Variants in BTN2A1 observed in about 807,000 individuals in gnomAD.
BTN2A1 encodes butyrophilin, subfamily 2, member A1.
Under a neutral mutation model 34.5 loss-of-function variants are expected in BTN2A1, and 41 were observed. The ratio of observed to expected loss-of-function variants is 1.19; its 90% CI spans 0.93 to 1.54. The LOEUF (loss-of-function observed/expected upper bound fraction) is 1.54, where lower values mean the gene tolerates loss of function less well. Ranked by LOEUF, BTN2A1 falls within the 40% of genes most tolerant of loss-of-function variation. The pLI is 0.00. For missense variants in BTN2A1, 642 were observed against 662.0 expected, an observed-to-expected ratio of 0.97 and a Z score of 0.33; for synonymous variants, 267 against 258.6, an observed-to-expected ratio of 1.03 and a Z score of -0.31.
Position 26,469,194 on chromosome 6 carries a change from T to C in BTN2A1, c.*645T>C. ...AATGAAGAACATGGATGCACGTGGA[T>C]GTAGTTTGGCTCAGGTGTCCCTGCA... On this transcript the variant is annotated 3_prime_UTR_variant, in exon 8 of 8. Transcript: ENST00000312541. 9.6e-7 allele frequency: 1 copy of C among 1,044,758 alleles called. No individual in the cohort carries two copies. The highest frequency in any genetic ancestry group is 3.4e-5 in the South Asian group (1 of 29,044). 64.7% of individuals were successfully genotyped at this position (1,044,758 alleles called of 1,614,324 possible).
Position 26,468,779 on chromosome 6 carries a change from A to T in BTN2A1, c.*230A>T. ...TGTAACTATGGGATGGGATCCAGGC[A>T]TAGGGAACTAGTTGTTACACAGCTC... On this transcript the variant is annotated 3_prime_UTR_variant, in exon 8 of 8. Coordinates refer to ENST00000312541, the MANE Select transcript of BTN2A1 (RefSeq NM_007049.5). 6.2e-7 allele frequency: 1 copy of T among 1,600,504 alleles called. No individual in the cohort carries two copies. Among genetic ancestry groups the T allele is most frequent in the South Asian group, 1.1e-5 (1 of 90,116 alleles).
At chr6:26,472,591 G>T (rs553646414), downstream of BTN2A1, among the ~76,000 whole-genome samples, 4 of 152,184 alleles carry the variant, frequency 2.6e-5, no homozygotes, top group South Asian at 4.1e-4. Context: ...AGTGATACAG[G>T]ATTTTTATTT....
chr6:26,462,758 C>G (rs1329070782), intron 3 of BTN2A1: 3 of 1,256,160 alleles, frequency 2.4e-6, no homozygotes, highest in Admixed American at 4.6e-5. Context: ...AGGATTCTGC[C>G]CGCCTGGCAG....
chr6:26,458,981 A>G (rs924891780), intron 2 of BTN2A1, among the ~76,000 whole-genome samples: 1 of 152,234 alleles, frequency 6.6e-6, no homozygotes, highest in Admixed American at 6.5e-5. Context: ...ATAAATTTGT[A>G]TACTATATTT....
At position 26,467,897 on chromosome 6, in the gene BTN2A1, A is replaced by G. The variant is rs753143657; in HGVS notation, c.983-51A>G. On this transcript the variant is annotated intron_variant, in intron 7 of 7. Transcript: ENST00000312541. ...CTCTCTGGGGATCAGGAACCACACAATCCCCAGGGTTCCTGAGACCCCAGG... is the reference window on the plus strand; with the variant it reads ...CTCTCTGGGGATCAGGAACCACACAGTCCCCAGGGTTCCTGAGACCCCAGG... 2.5e-6 allele frequency: 4 copies of G among 1,583,818 alleles called. 1 individual carries two copies. The highest frequency in any genetic ancestry group is 2.6e-6 in the Non-Finnish European group (3 of 1,164,480).
downstream of BTN2A1, among the ~76,000 whole-genome samples, chr6:26,472,594 TTTTA>T (rs781324161): frequency 2.6e-5 from 4 of 152,102 alleles, no homozygotes; most frequent in Non-Finnish European, 5.9e-5. Flanking sequence ...GATACAGGAT[TTTTA>T]TTTGTCACTT....
At chr6:26,465,613 A>G (rs1763291060) in intron 5 of BTN2A1, among the ~76,000 whole-genome samples, 2 of 152,184 alleles carry the variant, frequency 1.3e-5, no homozygotes, top group Admixed American at 6.5e-5. Context: ...GTACCAGCAT[A>G]CAGAAGAGAG....
chr6:26,459,960 C>T (rs537550155), intron 3 of BTN2A1, 132 bp downstream of exon 3: 15 of 118,548 alleles, frequency 1.3e-4, no homozygotes, highest in African/African-American at 2.0e-4. Flanking sequence ...CCTGTGGAAA[C>T]GGAATTCCAG....
At position 26,465,420 on chromosome 6, in the gene BTN2A1, A is replaced by G; in HGVS notation, c.934+14A>G. 1 of 1,611,776 alleles carries G rather than the reference A, an allele frequency of 6.2e-7. No individual in the cohort carries two copies. Among genetic ancestry groups the G allele is most frequent in the Non-Finnish European group, 8.5e-7 (1 of 1,178,366 alleles). On this transcript the variant is annotated intron_variant, in intron 5 of 7. Transcript: ENST00000312541. ...TTCAAGTAAAAGGTAAAAGAGGCTG[A>G]GTATGGTGGCTCATGGCTTGAATCC...
chr6:26,476,202 C>A (rs1189359015), exon 8 of BTN2A1: 1 of 1,526,752 alleles, frequency 6.5e-7, no homozygotes, highest in Non-Finnish European at 8.8e-7. Flanking sequence ...TTGAAAATCT[C>A]CACTGGAGAG....
chr6:26,460,172 A>G (rs977121292), intron 3 of BTN2A1, among the ~76,000 whole-genome samples: 15 of 151,902 alleles, frequency 9.9e-5, no homozygotes, highest in Non-Finnish European at 5.9e-5. Flanking sequence ...TTTTTGAGAC[A>G]GAGTCTTGCT....
At chr6:26,463,049 A>G (rs573280566) in intron 3 of BTN2A1, among the ~76,000 whole-genome samples, 195 bp from the exon 4 acceptor site, 1 of 152,312 alleles carries the variant, frequency 6.6e-6, no homozygotes, top group South Asian at 2.1e-4. Context: ...TATGTGGCCC[A>G]TTGGCCTGCT....
intron 7 of BTN2A1, chr6:26,467,586 A>G: frequency 8.8e-6 from 8 of 910,520 alleles, no homozygotes; most frequent in Non-Finnish European, 1.3e-5. Context: ...TTCTGGGATT[A>G]CAGGCGTGAG....
At chr6:26,472,183 A>G (rs181490768), downstream of BTN2A1, among the ~76,000 whole-genome samples, 7 of 152,294 alleles carry the variant, frequency 4.6e-5, no homozygotes, top group Non-Finnish European at 1.0e-4. Context: ...CCCAGCTCCA[A>G]AGTCCATATT....
Position 26,465,260 on chromosome 6 carries a change from C to A in BTN2A1, c.788C>A (p.Ala263Asp). 1 of 1,614,004 alleles carries A rather than the reference C, an allele frequency of 6.2e-7. No homozygotes were observed. Among genetic ancestry groups the A allele is most frequent in the Non-Finnish European group, 8.5e-7 (1 of 1,179,950 alleles). The change falls in exon 5 of 8, where the codon GCC becomes GAC. Residue 263 changes from alanine to aspartate, a missense_variant. Physicochemically the swap from Ala to Asp is moderately radical, Grantham distance 126. Coordinates refer to ENST00000312541, the MANE Select transcript of BTN2A1 (RefSeq NM_007049.5). ...IIVVILMIPI[A>D]VCIYWINKLQ... is the part of the protein sequence containing the mutation. Reference sequence around the variant, plus strand: ...GTGGTTATTCTGATGATACCCATTGCCGTATGCATCTATTGGATCAACAAA... The same window carrying A: ...GTGGTTATTCTGATGATACCCATTGACGTATGCATCTATTGGATCAACAAA...
rs201060519 is a variant in BTN2A1, at chr6:26,458,597, G to C, written c.-30-10G>C. The C allele has an allele frequency of 1.9e-6, 3 of 1,580,470 alleles. No homozygotes were observed. The highest frequency in any genetic ancestry group is 2.6e-6 in the Non-Finnish European group (3 of 1,151,388). On this transcript the variant is annotated splice_polypyrimidine_tract_variant and intron_variant, in intron 1 of 7. Transcript: ENST00000312541. ...AAGACTCCTAGGCTGATTCTCCTCT[G>C]TAACCCTAGGCCTCCTGTCCCTGCC...
Position 26,468,786 on chromosome 6 carries a change from A to C in BTN2A1, c.*237A>C. Reference sequence around the variant, plus strand: ...ATGGGATGGGATCCAGGCATAGGGAACTAGTTGTTACACAGCTCCCAGCCA... The same window carrying C: ...ATGGGATGGGATCCAGGCATAGGGACCTAGTTGTTACACAGCTCCCAGCCA... On this transcript the variant is annotated 3_prime_UTR_variant, in exon 8 of 8. Transcript: ENST00000312541. 6.3e-7 allele frequency: 1 copy of C among 1,595,574 alleles called. No individual in the cohort carries two copies.
intron 7 of BTN2A1, among the ~76,000 whole-genome samples, chr6:26,474,963 T>C (rs941577669): frequency 9.2e-5 from 14 of 152,104 alleles, no homozygotes; most frequent in African/African-American, 3.4e-4. Context: ...TTGGCCAGGC[T>C]GGCCGGCCAG....
intron 1 of BTN2A1, 143 bp from the exon 2 acceptor site, chr6:26,458,464 T>C: frequency 1.5e-6 from 1 of 670,844 alleles, no homozygotes; most frequent in Non-Finnish European, 2.6e-6. Flanking sequence ...AATCCCTCTC[T>C]CGGGACATAC....
Sources: allele counts gnomAD v4.1 joint callset (sites outside exome capture counted in the v4.1 genomes callset), GRCh38; gene constraint gnomAD v4.1.1; transcripts MANE v1.5; gene names NCBI Gene and HGNC (gene_info 2026-07-23, HGNC 2026-07-21).